Variants in PHF21B observed in about 807,000 individuals in gnomAD.
The protein encoded by PHF21B is PHD finger protein 21B.
In PHF21B, 22 loss-of-function variants were observed where a neutral mutation model predicts 62.2. That is an observed-to-expected ratio of 0.35 (90% CI 0.25 to 0.51). The LOEUF (loss-of-function observed/expected upper bound fraction) is 0.51. Among genes scored for constraint, PHF21B ranks in the 20% least tolerant of loss-of-function variants. The pLI, the probability that PHF21B is intolerant of heterozygous loss-of-function variation, is 0.97. For missense variants in PHF21B, 701 were observed against 707.9 expected (o/e 0.99, Z 0.11); for synonymous variants, 341 against 314.7 (o/e 1.08, Z -0.88).
intron 9 of PHF21B, 143 bp from the exon 10 acceptor site, chr22:44,888,264 G>C: frequency 3.8e-6 from 4 of 1,057,292 alleles, no homozygotes; most frequent in Non-Finnish European, 5.2e-6. Flanking sequence ...TCTACGGAGA[G>C]AGAGGGATAA....
At position 44,881,463 on chromosome 22, in the gene PHF21B, T is replaced by C. The variant is rs922345034; in HGVS notation, c.*1623A>G. 4.6e-5 allele frequency: 7 copies of C among 152,520 alleles called. No individual in the cohort carries two copies. The highest frequency in any genetic ancestry group is 1.7e-4 in the African/African-American group (7 of 41,400). The allele number at this position is 152,520 out of a possible 1,614,324, so 9.4% of individuals were successfully genotyped here. On this transcript the variant is annotated 3_prime_UTR_variant, in exon 13 of 13. Coordinates refer to ENST00000313237, the MANE Select transcript of PHF21B (RefSeq NM_138415.5). Reference sequence around the variant, plus strand: ...GCGGTAATGCATACTTGGCACAGAGTAGCCAATATAGAAGACGTGTGCCTC... The same window carrying C: ...GCGGTAATGCATACTTGGCACAGAGCAGCCAATATAGAAGACGTGTGCCTC...
chr22:44,984,143 T>TCATCATCACCAC, intron 2 of PHF21B, among the ~76,000 whole-genome samples: 1 of 1,612 alleles, frequency 6.2e-4, no homozygotes, highest in Non-Finnish European at 1.4e-3. Context: ...ATGATCACCA[T>TCATCATCACCAC]CATCATCACC....
intron 2 of PHF21B, among the ~76,000 whole-genome samples, chr22:44,995,780 T>C (rs1316983989): frequency 6.6e-6 from 1 of 151,218 alleles, no homozygotes; most frequent in African/African-American, 2.4e-5. Flanking sequence ...AATTACTAGA[T>C]GACCCCCCCG....
At chr22:44,894,153 CCTT>C (rs1361841896) in intron 6 of PHF21B, among the ~76,000 whole-genome samples, 17 of 152,324 alleles carry the variant, frequency 1.1e-4, no homozygotes, top group Admixed American at 9.2e-4. Context: ...GCTTTTTAAA[CCTT>C]CTCAATATTA....
At chr22:44,996,904 A>G (rs1210603834) in intron 2 of PHF21B, among the ~76,000 whole-genome samples, 3 of 152,158 alleles carry the variant, frequency 2.0e-5, no homozygotes, top group Non-Finnish European at 4.4e-5. Context: ...AAACGTGTGC[A>G]CACATGCATA....
intron 2 of PHF21B, among the ~76,000 whole-genome samples, chr22:44,966,618 C>T (rs2072531725): frequency 6.6e-6 from 1 of 152,162 alleles, no homozygotes; most frequent in African/African-American, 2.4e-5. Flanking sequence ...GAGCCTGGGT[C>T]CCTCCATCCG....
chr22:44,979,934 T>A (rs141231862), intron 2 of PHF21B, among the ~76,000 whole-genome samples: 3,070 of 151,710 alleles, frequency 0.02, 97 homozygotes, highest in African/African-American at 0.07. Context: ...CCAGGCATCA[T>A]GGCGGGTGCC....
rs141958051 is a variant in PHF21B at position 44,964,512 on chromosome 22, C to T, written c.121-44022G>A. 4.0e-3 allele frequency among the ~76,000 whole-genome samples: 617 copies of T among 152,352 alleles called. 6 individuals are homozygous for T. Among genetic ancestry groups the T allele is most frequent in the African/African-American group, 0.014 (596 of 41,580 alleles). On this transcript the variant is annotated intron_variant, in intron 2 of 12. Transcript: ENST00000313237. ...AGCAGCGAAACAACAGCCCCTGACT[C>T]GGCAGGAGAAGATTTTACTCACTGC...
chr22:44,956,026 A>G (rs2072289747), intron 2 of PHF21B, among the ~76,000 whole-genome samples: 1 of 152,164 alleles, frequency 6.6e-6, no homozygotes, highest in Admixed American at 6.5e-5. Context: ...CACAGCGATG[A>G]ACAACACAAC....
intron 2 of PHF21B, among the ~76,000 whole-genome samples, chr22:44,977,233 C>CAT (rs565034691): frequency 2.0e-5 from 3 of 151,436 alleles, no homozygotes; most frequent in African/African-American, 4.9e-5. Context: ...CATTCCCAGA[C>CAT]TTTTTTTTTA....
chr22:44,936,428 G>A (rs576513701), intron 2 of PHF21B, among the ~76,000 whole-genome samples: 5 of 152,262 alleles, frequency 3.3e-5, no homozygotes, highest in South Asian at 2.1e-4. Flanking sequence ...CAGCCCTGTC[G>A]CCTCCTGTCC....
At chr22:45,007,504 C>A (rs1465256420) in intron 2 of PHF21B, among the ~76,000 whole-genome samples, 2 of 140,092 alleles carry the variant, frequency 1.4e-5, no homozygotes, top group Non-Finnish European at 3.1e-5. Context: ...CTGCGGCCGG[C>A]ATTCCGAAGG....
intron 5 of PHF21B, among the ~76,000 whole-genome samples, chr22:44,906,447 G>C (rs2071251825): frequency 6.6e-6 from 1 of 152,242 alleles, no homozygotes; most frequent in South Asian, 2.1e-4. Flanking sequence ...AAACGTGTGT[G>C]TAACAGGGCT....
intron 2 of PHF21B, among the ~76,000 whole-genome samples, chr22:44,944,803 G>A (rs1250845148): frequency 7.4e-6 from 1 of 134,902 alleles, no homozygotes; most frequent in African/African-American, 2.6e-5. Context: ...CCTTTGCCCA[G>A]CCCATCGCAT....
intron 2 of PHF21B, among the ~76,000 whole-genome samples, chr22:44,987,908 A>G (rs1371113196): frequency 1.3e-5 from 2 of 152,084 alleles, no homozygotes; most frequent in Non-Finnish European, 1.5e-5. Flanking sequence ...ACAGGAACTG[A>G]CGGATCCCAA....
chr22:44,982,529 C>T (rs528009226), intron 2 of PHF21B, among the ~76,000 whole-genome samples: 3 of 152,332 alleles, frequency 2.0e-5, no homozygotes, highest in Non-Finnish European at 4.4e-5. Context: ...CACTCCTCCA[C>T]AGGCCCAAGT....
In PHF21B at chr22:44,916,154, T is replaced by G. The variant is rs867091536; in HGVS notation, c.564+126A>C. ...CGTCCCATTCATTCATTTGTCCACT[T>G]GATCATTCTGCCTCCTGGTCATTCA... On this transcript the variant is annotated intron_variant, in intron 4 of 12. Transcript: ENST00000313237. 1.1e-4 allele frequency: 99 copies of G among 887,702 alleles called. 1 individual carries two copies. In the Middle Eastern group the frequency reaches 8.2e-3, roughly 74 times the overall value. 55.0% of individuals were successfully genotyped at this position (887,702 alleles called of 1,614,324 possible). A position where few individuals can be genotyped will look rare whatever the true frequency, so the allele number is the denominator to read the frequency against.
chr22:45,000,049 A>G (rs2073186921), intron 2 of PHF21B, among the ~76,000 whole-genome samples: 1 of 152,098 alleles, frequency 6.6e-6, no homozygotes, highest in Non-Finnish European at 1.5e-5. Context: ...CCCTTTTATA[A>G]CTACGGAACC....
intron 10 of PHF21B, among the ~76,000 whole-genome samples, chr22:44,886,688 C>CAA (rs1171261781): frequency 2.1e-5 from 3 of 140,360 alleles, no homozygotes; most frequent in African/African-American, 5.2e-5. Flanking sequence ...CCCTGTCTAC[C>CAA]AAAAAAAAAA....
Sources: gnomAD v4.1 joint callset for allele counts (sites outside exome capture counted in the v4.1 genomes callset) on GRCh38, gnomAD v4.1.1 for gene constraint, MANE v1.5 for transcripts, NCBI Gene and HGNC (gene_info 2026-07-23, HGNC 2026-07-21) for gene names.